Variants in HPCAL1 observed in about 807,000 individuals in gnomAD.
The protein encoded by HPCAL1 is hippocalcin like 1.
A neutral mutation model predicts 17.1 loss-of-function variants in HPCAL1; 8 were observed. The observed-to-expected ratio is 0.47, with a 90% CI of 0.27 to 0.84. The LOEUF (loss-of-function observed/expected upper bound fraction) is 0.84. Ranked by LOEUF, HPCAL1 falls within the 40% of genes least tolerant of loss-of-function variation. The pLI is 0.13. For missense variants in HPCAL1, 165 were observed against 271.1 expected, an observed-to-expected ratio of 0.61 and a Z score of 2.75; for synonymous variants, 112 against 111.4, an observed-to-expected ratio of 1.01 and a Z score of -0.03.
chr2:10,372,750 T>A (rs1031135744), intron 1 of HPCAL1, among the ~76,000 whole-genome samples: 3 of 152,208 alleles, frequency 2.0e-5, no homozygotes, highest in Non-Finnish European at 4.4e-5. Context: ...GGGCATCACC[T>A]GTGGAGACGG....
chr2:10,397,712 C>T (rs1669147373), intron 2 of HPCAL1, among the ~76,000 whole-genome samples: 1 of 152,214 alleles, frequency 6.6e-6, no homozygotes, highest in African/African-American at 2.4e-5. Flanking sequence ...CCTCATGACC[C>T]TGGTCATCCT....
intron 1 of HPCAL1, among the ~76,000 whole-genome samples, chr2:10,376,984 A>T (rs991107533): frequency 3.3e-5 from 5 of 151,358 alleles, no homozygotes; most frequent in Non-Finnish European, 5.9e-5. Context: ...TGTGTGTAGT[A>T]CAATACATAC....
rs186387455 is a variant in HPCAL1 at position 10,378,348 on chromosome 2, C to T, written c.-110-18487C>T. On this transcript the variant is annotated intron_variant, in intron 1 of 4. Transcript: ENST00000307845. The stretch of plus-strand genomic sequence containing the variant: ...GATTTGGTTGCAGCTGTTAGTTTTA[C>T]TTCCTGTCCCGATAAAGGAGGGTGC... Among the ~76,000 whole-genome samples the T allele has an allele frequency of 8.6e-4, 124 of 144,974 alleles. 1 individual carries two copies. Among genetic ancestry groups the T allele is most frequent in the African/African-American group, 2.8e-3 (111 of 39,322 alleles).
In HPCAL1 at chr2:10,331,048, G is replaced by A. The variant is rs576573743; in HGVS notation, c.-111+27871G>A. Among the ~76,000 whole-genome samples the A allele has an allele frequency of 5.3e-5, 8 of 152,190 alleles. No homozygotes were observed. Among genetic ancestry groups the A allele is most frequent in the East Asian group, 1.9e-4 (1 of 5,162 alleles). ...GCCATCTTGGCTTCTTCCTCATCCC[G>A]CCTCTCGCTCCATCTCGTGGCCTCC... On this transcript the variant is annotated intron_variant, in intron 1 of 4. Coordinates refer to ENST00000307845, the MANE Select transcript of HPCAL1 (RefSeq NM_002149.4). The surrounding 1 kb of genome is among the most constrained non-coding windows in gnomAD (Gnocchi z 5.0).
chr2:10,357,483 A>G (rs1666228833), intron 1 of HPCAL1, among the ~76,000 whole-genome samples: 1 of 152,100 alleles, frequency 6.6e-6, no homozygotes, highest in Non-Finnish European at 1.5e-5. Context: ...GAGGGAGTGG[A>G]CCCTGTGGGG....
chr2:10,362,449 A>AC lies in HPCAL1; in HGVS notation c.-110-34380dup, dbSNP rs1344979474. ...CTCCATGTCCTACTCCTGTGGATAG[A>AC]CCCCCCGGAATGCAGGGGGCCGGGC... On this transcript the variant is annotated intron_variant, in intron 1 of 4. Transcript: ENST00000307845. The surrounding 1 kb of genome is among the most constrained non-coding windows in gnomAD (Gnocchi z 5.0). Among the ~76,000 whole-genome samples the AC allele has an allele frequency of 6.6e-6, 1 of 151,616 alleles. No homozygotes were observed. The highest frequency in any genetic ancestry group is 6.6e-5 in the Admixed American group (1 of 15,220).
rs187451002 is a variant in HPCAL1 at position 10,376,504 on chromosome 2, C to T, written c.-110-20331C>T. On this transcript the variant is annotated intron_variant, in intron 1 of 4. Transcript: ENST00000307845. ...AAGCTGCAGTGCAGTGGCACAATCT[C>T]GGCTCACTGCAACTTCCACTTCCTG... is the stretch of plus-strand genomic sequence containing the variant. Among the ~76,000 whole-genome samples, 510 of 151,890 alleles carry T rather than the reference C, an allele frequency of 3.4e-3. 2 individuals are homozygous for T. Among genetic ancestry groups the T allele is most frequent in the African/African-American group, 0.011 (473 of 41,384 alleles).
intron 1 of HPCAL1, among the ~76,000 whole-genome samples, chr2:10,390,866 G>T (rs1428597061): frequency 6.6e-6 from 1 of 152,220 alleles, no homozygotes; most frequent in East Asian, 1.9e-4. Context: ...AGTGCCCATG[G>T]TGGCAGCCTG....
chr2:10,378,004 G>A (rs16856174), intron 1 of HPCAL1, among the ~76,000 whole-genome samples: 13,901 of 152,118 alleles, frequency 0.091, 1,489 homozygotes, highest in East Asian at 0.47. Context: ...TGACCAAGGC[G>A]GTAATTTCCA....
Position 10,377,261 on chromosome 2 carries a change from C to T in HPCAL1, c.-110-19574C>T, listed in dbSNP as rs116196546. ...GCCGCCCCGAATGGCAGGTGGAAGGCGGCTGAGTGGAGCCGCAGCAAATGC... is the reference window on the plus strand; with the variant it reads ...GCCGCCCCGAATGGCAGGTGGAAGGTGGCTGAGTGGAGCCGCAGCAAATGC... On this transcript the variant is annotated intron_variant, in intron 1 of 4. Transcript: ENST00000307845. The surrounding 1 kb of genome is among the most constrained non-coding windows in gnomAD (Gnocchi z 5.9). Among the ~76,000 whole-genome samples the T allele has an allele frequency of 0.01, 1,538 of 152,312 alleles. 38 individuals are homozygous for T. Among genetic ancestry groups the T allele is most frequent in the African/African-American group, 0.035 (1,461 of 41,566 alleles).
At chr2:10,371,295 A>C (rs142512624) in intron 1 of HPCAL1, among the ~76,000 whole-genome samples, 1 of 152,024 alleles carries the variant, frequency 6.6e-6, no homozygotes, top group Non-Finnish European at 1.5e-5. Context: ...AACTGAGTGG[A>C]CAAGCCAGGC....
chr2:10,416,351 C>G (rs755933231), intron 2 of HPCAL1, among the ~76,000 whole-genome samples: 57 of 152,152 alleles, frequency 3.7e-4, no homozygotes, highest in African/African-American at 1.3e-3. Flanking sequence ...CCCTGACAGC[C>G]GGAGGGGGGC....
In HPCAL1 at chr2:10,354,854, C is replaced by T. The variant is rs550175422; in HGVS notation, c.-110-41981C>T. ...GACCTTGTGTTAGAACTTAATGATG[C>T]GACGTTTGCTTTGCAAACTGTGGTC... On this transcript the variant is annotated intron_variant, in intron 1 of 4. Coordinates refer to ENST00000307845, the MANE Select transcript of HPCAL1 (RefSeq NM_002149.4). The surrounding 1 kb of genome is among the most constrained non-coding windows in gnomAD (Gnocchi z 5.1). Among the ~76,000 whole-genome samples the T allele has an allele frequency of 1.3e-5, 2 of 152,306 alleles. No individual in the cohort carries two copies. Among genetic ancestry groups the T allele is most frequent in the African/African-American group, 4.8e-5 (2 of 41,564 alleles).
chr2:10,413,383 T>C (rs1423580202), intron 2 of HPCAL1, among the ~76,000 whole-genome samples: 3 of 152,218 alleles, frequency 2.0e-5, no homozygotes, highest in Admixed American at 2.0e-4. Context: ...TTAAAGCAGG[T>C]TCTTGTGCAT....
At chr2:10,311,616 G>C (rs185406813) in intron 1 of HPCAL1, among the ~76,000 whole-genome samples, 4 of 152,058 alleles carry the variant, frequency 2.6e-5, no homozygotes, top group Admixed American at 6.6e-5. Flanking sequence ...GGATGGGAGT[G>C]GGGGGAGAAG....
At chr2:10,381,904 A>C (rs568806138) in intron 1 of HPCAL1, among the ~76,000 whole-genome samples, 2 of 152,338 alleles carry the variant, frequency 1.3e-5, no homozygotes, top group South Asian at 4.1e-4. Flanking sequence ...TGATCCAACA[A>C]TCATGCTCCT....
intron 1 of HPCAL1, among the ~76,000 whole-genome samples, chr2:10,345,980 A>G (rs1336397145): frequency 6.6e-6 from 1 of 152,136 alleles, no homozygotes; most frequent in South Asian, 2.1e-4. Flanking sequence ...AGGAAGAACA[A>G]TTGTGGGAAT....
At chr2:10,337,928 G>A (rs1167649717) in intron 1 of HPCAL1, among the ~76,000 whole-genome samples, 2 of 152,312 alleles carry the variant, frequency 1.3e-5, no homozygotes, top group East Asian at 3.9e-4. Flanking sequence ...GGCTTAGTCT[G>A]TATTTAGGTA....
intron 1 of HPCAL1, among the ~76,000 whole-genome samples, chr2:10,347,551 G>C (rs575001838): frequency 5.9e-5 from 9 of 152,250 alleles, no homozygotes; most frequent in African/African-American, 1.9e-4. Flanking sequence ...TGCCACCCTG[G>C]GGTCCCAGGA....
Sources: allele counts gnomAD v4.1 joint callset (sites outside exome capture counted in the v4.1 genomes callset), GRCh38; gene constraint gnomAD v4.1.1; non-coding constraint Gnocchi (gnomAD v3.1); transcripts MANE v1.5; gene names NCBI Gene and HGNC (gene_info 2026-07-23, HGNC 2026-07-21).